Variants in KCTD9 observed in about 807,000 individuals in gnomAD.
KCTD9 encodes the protein potassium channel tetramerization domain containing 9, also known as BTB/POZ domain-containing protein KCTD9.
A neutral mutation model predicts 53.3 loss-of-function variants in KCTD9; 17 were observed. The ratio of observed to expected loss-of-function variants is 0.32; its 90% confidence interval spans 0.22 to 0.48. KCTD9 has a LOEUF of 0.48. KCTD9 is among the 20% of genes least tolerant of loss of function. The pLI is 0.99. For synonymous variants in KCTD9, 128 were observed against 162.7 expected (o/e 0.79, Z 1.62); for missense variants, 179 against 465.5 (o/e 0.38, Z 5.66).
chr8:25,433,644 G>T (rs1269300367), intron 9 of KCTD9, among the ~76,000 whole-genome samples: 1 of 152,050 alleles, frequency 6.6e-6, no homozygotes, highest in African/African-American at 2.4e-5. Context: ...TTAAAGAACT[G>T]TTTTTTAAAA....
At chr8:25,435,234 T>A in intron 9 of KCTD9, 129 bp downstream of exon 9, 2 of 579,618 alleles carry the variant, frequency 3.5e-6, no homozygotes, top group Non-Finnish European at 5.5e-6. Context: ...TATATCAACA[T>A]AATAAATTAT....
intron 1 of KCTD9, chr8:25,450,296 T>C: frequency 2.0e-6 from 2 of 983,786 alleles, no homozygotes; most frequent in Non-Finnish European, 1.2e-6. Context: ...AATTATCCCT[T>C]GGTAAAGCTG....
At chr8:25,457,676 T>A (rs1033949599) in intron 1 of KCTD9, 2 of 152,310 alleles carry the variant, frequency 1.3e-5, no homozygotes, top group Non-Finnish European at 1.5e-5. Flanking sequence ...GCCCCCATTT[T>A]AAAAATCCTG....
At chr8:25,454,280 CCT>C (rs1340105977) in intron 1 of KCTD9, among the ~76,000 whole-genome samples, 17 of 152,166 alleles carry the variant, frequency 1.1e-4, no homozygotes, top group Non-Finnish European at 1.0e-4. Flanking sequence ...TATTTCCTAC[CCT>C]GTTTGCCATG....
intron 1 of KCTD9, chr8:25,451,673 G>A (rs927236399): frequency 1.3e-5 from 2 of 152,190 alleles, no homozygotes; most frequent in African/African-American, 2.4e-5. Flanking sequence ...AGCTGCCTAT[G>A]AGTTGGAGAG....
chr8:25,443,435 A>C (rs1802158540), intron 3 of KCTD9, among the ~76,000 whole-genome samples: 4 of 151,892 alleles, frequency 2.6e-5, no homozygotes, highest in Admixed American at 2.6e-4. Context: ...GGATGAAAAT[A>C]TACCAAATAT....
chr8:25,454,018 C>T (rs939000934), intron 1 of KCTD9, among the ~76,000 whole-genome samples: 1 of 152,150 alleles, frequency 6.6e-6, no homozygotes, highest in African/African-American at 2.4e-5. Context: ...AACCTGGATA[C>T]TTACTACTAA....
intron 8 of KCTD9, among the ~76,000 whole-genome samples, chr8:25,435,885 GT>G (rs1457828923): frequency 6.6e-6 from 1 of 152,112 alleles, no homozygotes; most frequent in Non-Finnish European, 1.5e-5. Flanking sequence ...AATGAGTACT[GT>G]GGTCTTTACA....
chr8:25,454,050 TTTG>T (rs146928495), intron 1 of KCTD9, among the ~76,000 whole-genome samples: 2,199 of 152,252 alleles, frequency 0.014, 57 homozygotes, highest in African/African-American at 0.05. Flanking sequence ...TTTTTCATTC[TTTG>T]TTGTTGTTGT....
intron 2 of KCTD9, 137 bp downstream of exon 2, chr8:25,445,992 C>T: frequency 9.9e-6 from 11 of 1,114,260 alleles, no homozygotes; most frequent in Non-Finnish European, 1.3e-5. Flanking sequence ...GATTTAAATT[C>T]CAAAGAGCAA....
rs536415173 is a variant in KCTD9, at chr8:25,430,894, A to G, written c.1054-921T>C. On this transcript the variant is annotated intron_variant, in intron 11 of 11. Transcript: ENST00000221200. ...CTCTTGTTGCCCAGGCTGGAGTGCA[A>G]TCTCGGCTCACTGCAACCTCCACCT... Among the ~76,000 whole-genome samples the G allele has an allele frequency of 2.4e-3, 360 of 151,658 alleles. 1 individual carries two copies. Among genetic ancestry groups the G allele is most frequent in the Non-Finnish European group, 1.4e-3 (96 of 67,920 alleles).
At chr8:25,449,175 A>G (rs1385970677) in intron 1 of KCTD9, among the ~76,000 whole-genome samples, 1 of 152,250 alleles carries the variant, frequency 6.6e-6, no homozygotes, top group East Asian at 1.9e-4. Flanking sequence ...AAGCAGATGC[A>G]AAACAACTCC....
At chr8:25,430,635 A>G (rs575699943) in intron 11 of KCTD9, among the ~76,000 whole-genome samples, 7 of 152,290 alleles carry the variant, frequency 4.6e-5, no homozygotes, top group South Asian at 2.1e-4. Context: ...ATGTATTACA[A>G]TGTAATACTA....
intron 1 of KCTD9, 55 bp from the exon 2 acceptor site, chr8:25,446,305 T>C (rs1802212919): frequency 1.3e-6 from 2 of 1,589,604 alleles, no homozygotes; most frequent in East Asian, 4.5e-5. Context: ...TTATCCCCCA[T>C]AAGTTATAAA....
At chr8:25,452,953 G>T (rs540571685) in intron 1 of KCTD9, among the ~76,000 whole-genome samples, 6 of 152,124 alleles carry the variant, frequency 3.9e-5, no homozygotes, top group African/African-American at 1.4e-4. Context: ...GACTGCTTGA[G>T]GCCAGGAGTT....
intron 1 of KCTD9, among the ~76,000 whole-genome samples, chr8:25,451,125 C>T (rs1031041591): frequency 1.4e-4 from 21 of 152,162 alleles, no homozygotes; most frequent in African/African-American, 5.1e-4. Flanking sequence ...ACTAATCATT[C>T]GCACATACTA....
chr8:25,445,636 G>C (rs1266826925), intron 2 of KCTD9, among the ~76,000 whole-genome samples: 2 of 152,020 alleles, frequency 1.3e-5, no homozygotes, highest in Non-Finnish European at 2.9e-5. Flanking sequence ...AGATAAATCT[G>C]CCTGAGATAT....
At chr8:25,448,632 G>A (rs751884579) in intron 1 of KCTD9, among the ~76,000 whole-genome samples, 6 of 152,168 alleles carry the variant, frequency 3.9e-5, no homozygotes, top group Admixed American at 6.5e-5. Flanking sequence ...AGCCTGAGTA[G>A]GGCTGGGCGC....
intron 1 of KCTD9, 124 bp downstream of exon 1, chr8:25,458,075 C>A (rs1802506705): frequency 4.1e-6 from 4 of 979,358 alleles, no homozygotes; most frequent in Non-Finnish European, 6.1e-6. Context: ...CGAGCGCCCC[C>A]AGCCCGCGCA....
Sources: allele counts gnomAD v4.1 joint callset (sites outside exome capture counted in the v4.1 genomes callset), GRCh38; gene constraint gnomAD v4.1.1; transcripts MANE v1.5; gene names NCBI Gene and HGNC (gene_info 2026-07-23, HGNC 2026-07-21).